SCFD2: variants seen among roughly 807,000 people sequenced by gnomAD.
SCFD2 encodes the protein sec1 family domain-containing protein 2.
Under a neutral mutation model 58.9 loss-of-function variants are expected in SCFD2, and 54 were observed. The observed-to-expected ratio is 0.92, with a 90% CI of 0.74 to 1.15. SCFD2 has a LOEUF of 1.15. SCFD2 is among the 50% of genes most tolerant of loss of function. SCFD2 has a pLI of 0.00. For missense variants in SCFD2, 805 were observed against 836.6 expected (o/e 0.96, Z 0.47); for synonymous variants, 321 against 335.9 (o/e 0.96, Z 0.49).
At chr4:53,268,448 G>A (rs2149062633) in intron 4 of SCFD2, among the ~76,000 whole-genome samples, 1 of 152,284 alleles carries the variant, frequency 6.6e-6, no homozygotes, top group South Asian at 2.1e-4. Flanking sequence ...AACCAAAGCA[G>A]GTGACAAAAG....
At chr4:53,353,965 C>T (rs1444625050) in intron 1 of SCFD2, among the ~76,000 whole-genome samples, 1 of 152,254 alleles carries the variant, frequency 6.6e-6, no homozygotes, top group Non-Finnish European at 1.5e-5. Flanking sequence ...AATCCTCTAG[C>T]TAGACATAAA....
intron 4 of SCFD2, among the ~76,000 whole-genome samples, chr4:53,190,119 T>A (rs1161481695): frequency 6.6e-6 from 1 of 152,204 alleles, no homozygotes; most frequent in Non-Finnish European, 1.5e-5. Context: ...GAATCCCTCC[T>A]GAAACAGTCA....
rs146502180 is a variant in SCFD2, at chr4:53,280,988, G to A, written c.1136-6987C>T. 1.5e-3 allele frequency among the ~76,000 whole-genome samples: 227 copies of A among 152,264 alleles called. 3 individuals carry two copies. The highest frequency in any genetic ancestry group is 0.014 in the Middle Eastern group (4 of 294). On this transcript the variant is annotated intron_variant, in intron 3 of 8. Coordinates refer to ENST00000401642, the MANE Select transcript of SCFD2 (RefSeq NM_152540.4). ...CACAACTGAACACATCAAGCTACAAGAGGAATTGAGTACCCTATGAAGCAC... is the reference window on the plus strand; with the variant it reads ...CACAACTGAACACATCAAGCTACAAAAGGAATTGAGTACCCTATGAAGCAC...
intron 7 of SCFD2, among the ~76,000 whole-genome samples, chr4:52,901,161 G>A (rs541555745): frequency 6.6e-6 from 1 of 152,230 alleles, no homozygotes; most frequent in East Asian, 1.9e-4. Context: ...TGCACCCGCT[G>A]TCCGGCATTC....
At chr4:52,940,532 AG>A (rs1341812396) in intron 5 of SCFD2, among the ~76,000 whole-genome samples, 1 of 152,224 alleles carries the variant, frequency 6.6e-6, no homozygotes, top group Non-Finnish European at 1.5e-5. Context: ...TTAATGCATA[AG>A]GTAGATTAGA....
At chr4:52,940,710 C>A (rs764872885) in intron 5 of SCFD2, among the ~76,000 whole-genome samples, 18 of 152,126 alleles carry the variant, frequency 1.2e-4, no homozygotes, top group Non-Finnish European at 2.2e-4. Context: ...GGCCAGGGAA[C>A]AATCTGTTTT....
chr4:53,365,691 C>G lies in SCFD2; in HGVS notation c.251G>C (p.Arg84Pro), dbSNP rs1734680860. ...VFVLSCLLKG[R>P]TVEILRDIIC... ...GATGTCCCGTAGGATCTCCACGGTCCGGCCTTTCAGCAGGCAGCTCAGCAC... is the reference window on the plus strand; with the variant it reads ...GATGTCCCGTAGGATCTCCACGGTCGGGCCTTTCAGCAGGCAGCTCAGCAC... The change falls in exon 1 of 9, where the codon CGG becomes CCG. Residue 84 changes from arginine to proline, a missense_variant. Physicochemically the swap from Arg to Pro is moderately radical, Grantham distance 103 (BLOSUM62 -2). This residue lies in a region of SCFD2 where 155 missense variants were observed against 149.7 expected (regional missense o/e 1.04). Coordinates refer to ENST00000401642, the MANE Select transcript of SCFD2 (RefSeq NM_152540.4). The surrounding 1 kb of genome is among the most constrained non-coding windows in gnomAD (Gnocchi z 4.3). 6.2e-7 allele frequency: 1 copy of G among 1,614,174 alleles called. No homozygotes were observed. Among genetic ancestry groups the G allele is most frequent in the Non-Finnish European group, 8.5e-7 (1 of 1,180,026 alleles).
chr4:53,208,263 C>T (rs1331001428), intron 4 of SCFD2, among the ~76,000 whole-genome samples: 1 of 152,074 alleles, frequency 6.6e-6, no homozygotes, highest in African/African-American at 2.4e-5. Context: ...AGCCACCACA[C>T]CTCGCCAGGT....
chr4:53,237,083 C>T (rs1348762042), intron 4 of SCFD2, among the ~76,000 whole-genome samples: 1 of 149,448 alleles, frequency 6.7e-6, no homozygotes, highest in African/African-American at 2.5e-5. Context: ...TAACAAAGCA[C>T]ATCTTGCACC....
chr4:53,220,732 A>G (rs763340455), intron 4 of SCFD2, among the ~76,000 whole-genome samples: 9 of 152,248 alleles, frequency 5.9e-5, no homozygotes, highest in Non-Finnish European at 1.3e-4. Context: ...GGCTTCACAC[A>G]TATCACAAGA....
At chr4:52,995,438 C>G (rs1170893161) in intron 5 of SCFD2, among the ~76,000 whole-genome samples, 1 of 152,180 alleles carries the variant, frequency 6.6e-6, no homozygotes, top group Non-Finnish European at 1.5e-5. Flanking sequence ...GTCCGTGGCC[C>G]AGGAATTGGG....
At chr4:53,337,278 T>C (rs531920593) in intron 2 of SCFD2, among the ~76,000 whole-genome samples, 1 of 152,322 alleles carries the variant, frequency 6.6e-6, no homozygotes. Flanking sequence ...GTTAATCTTC[T>C]TGTAAAGACA....
At chr4:53,137,039 A>G (rs1725963396) in intron 5 of SCFD2, among the ~76,000 whole-genome samples, 1 of 152,228 alleles carries the variant, frequency 6.6e-6, no homozygotes, top group South Asian at 2.1e-4. Context: ...GAAGTCTGTA[A>G]TTGTAGCAAA....
chr4:52,877,924 C>A (rs1029813341), intron 8 of SCFD2, among the ~76,000 whole-genome samples: 2 of 152,212 alleles, frequency 1.3e-5, no homozygotes, highest in African/African-American at 4.8e-5. Context: ...GCCTCCACAC[C>A]CCCAAATCAG....
At chr4:53,227,778 A>G (rs544861432) in intron 4 of SCFD2, among the ~76,000 whole-genome samples, 1 of 152,308 alleles carries the variant, frequency 6.6e-6, no homozygotes, top group Non-Finnish European at 1.5e-5. Context: ...AAAATAAGGA[A>G]TTATTTCTGC....
At chr4:53,292,659 T>C (rs1362224802) in intron 3 of SCFD2, among the ~76,000 whole-genome samples, 2 of 152,182 alleles carry the variant, frequency 1.3e-5, no homozygotes, top group African/African-American at 2.4e-5. Context: ...CTCAAAGACC[T>C]AGAACCAGAA....
rs577038457 is a variant in SCFD2, at chr4:53,063,326, A to T, written c.1561+82007T>A. Among the ~76,000 whole-genome samples the T allele has an allele frequency of 5.3e-5, 8 of 152,276 alleles. No homozygotes were observed. In the East Asian group the frequency reaches 1.5e-3, roughly 29 times the overall value. ...AGTTTTAATTTTAAAAACCCATAAT[A>T]ATTATTCTGTATACAACTTATGCCC... On this transcript the variant is annotated intron_variant, in intron 5 of 8. Coordinates refer to ENST00000401642, the MANE Select transcript of SCFD2 (RefSeq NM_152540.4).
chr4:53,344,738 G>A (rs1456770206), intron 2 of SCFD2, among the ~76,000 whole-genome samples: 1 of 152,124 alleles, frequency 6.6e-6, no homozygotes, highest in Non-Finnish European at 1.5e-5. Flanking sequence ...CATGGTACTG[G>A]TACCAAAACA....
At chr4:52,989,392 C>T (rs1721569922) in intron 5 of SCFD2, among the ~76,000 whole-genome samples, 1 of 152,158 alleles carries the variant, frequency 6.6e-6, no homozygotes, top group Non-Finnish European at 1.5e-5. Context: ...AGAATAACTT[C>T]AGTTTTGTCT....
Sources: gnomAD v4.1 joint callset for allele counts (sites outside exome capture counted in the v4.1 genomes callset) on GRCh38, gnomAD v4.1.1 for gene constraint, gnomAD v4.1.1 regional missense constraint, Gnocchi (gnomAD v3.1) non-coding constraint, MANE v1.5 for transcripts, NCBI Gene and HGNC (gene_info 2026-07-23, HGNC 2026-07-21) for gene names.